ATP13A5: variants seen among roughly 807,000 people sequenced by gnomAD.
The protein encoded by ATP13A5 is ATPase 13A5.
A neutral mutation model predicts 150.2 loss-of-function variants in ATP13A5; 149 were observed. The ratio of observed to expected loss-of-function variants is 0.99; its 90% confidence interval spans 0.87 to 1.14. The LOEUF is 1.14. Among genes scored for constraint, ATP13A5 ranks in the 50% most tolerant of loss-of-function variants. The probability of loss-of-function intolerance (pLI) is 0.00; values close to 1 mark genes in which losing one functional copy is unlikely to be tolerated. For synonymous variants in ATP13A5, 497 were observed against 522.2 expected (o/e 0.95, Z 0.66); for missense variants, 1,383 against 1,449.3 (o/e 0.95, Z 0.74).
At chr3:193,350,920 T>C in intron 7 of ATP13A5, 147 bp downstream of exon 7, 1 of 830,042 alleles carries the variant, frequency 1.2e-6, no homozygotes, top group Non-Finnish European at 1.9e-6. Flanking sequence ...CCAAAGTCCT[T>C]CTGTCATCCC....
chr3:193,308,928 C>T (rs1400379255), intron 21 of ATP13A5, among the ~76,000 whole-genome samples: 1 of 152,160 alleles, frequency 6.6e-6, no homozygotes, highest in Non-Finnish European at 1.5e-5. Flanking sequence ...GTTACTTACC[C>T]AGCCTCAGGC....
At chr3:193,352,802 A>G (rs767715133) in intron 6 of ATP13A5, among the ~76,000 whole-genome samples, 32 of 152,334 alleles carry the variant, frequency 2.1e-4, no homozygotes, top group Non-Finnish European at 4.0e-4. Flanking sequence ...ATTTTTTAAT[A>G]TTAAAAAGAT....
At chr3:193,333,444 C>T (rs1331440908) in intron 11 of ATP13A5, among the ~76,000 whole-genome samples, 1 of 151,670 alleles carries the variant, frequency 6.6e-6, no homozygotes, top group Non-Finnish European at 1.5e-5. Flanking sequence ...TGAAACCTGA[C>T]ACCCTGTAGC....
At chr3:193,316,431 T>C (rs904399163) in intron 17 of ATP13A5, among the ~76,000 whole-genome samples, 1 of 152,148 alleles carries the variant, frequency 6.6e-6, no homozygotes, top group Admixed American at 6.5e-5. Flanking sequence ...TTGTTTTCCA[T>C]AGCAGCTGTA....
chr3:193,306,306 ATTCT>A (rs1223111267), intron 22 of ATP13A5, among the ~76,000 whole-genome samples: 1 of 151,860 alleles, frequency 6.6e-6, no homozygotes, highest in Admixed American at 6.6e-5. Flanking sequence ...TTTATTCATG[ATTCT>A]TTCTTCATCA....
chr3:193,327,183 G>T, intron 12 of ATP13A5, 126 bp from the exon 13 acceptor site: 1 of 807,748 alleles, frequency 1.2e-6, no homozygotes, highest in Non-Finnish European at 1.9e-6. Flanking sequence ...TTGTTTATAA[G>T]TACCAAATTT....
chr3:193,333,833 C>T lies in ATP13A5; in HGVS notation c.1189G>A (p.Asp397Asn), dbSNP rs771136195. 1.1e-5 allele frequency: 17 copies of T among 1,613,784 alleles called. No individual in the cohort carries two copies. Among genetic ancestry groups the T allele is most frequent in the Middle Eastern group, 1.6e-4 (1 of 6,072 alleles). Residue 397 changes from aspartate (D) to asparagine (N), a missense_variant, in exon 11 of 30, where the codon GAT becomes AAT. Asp to Asn is a conservative substitution (Grantham distance 23). Coordinates refer to ENST00000342358, the MANE Select transcript of ATP13A5 (RefSeq NM_198505.4). ...PRPLNFKLYS[D>N]AFKFIVFLAC... ...AGGAACACGATGAACTTGAAGGCAT[C>T]GCTGTATAGTTTGAAGTTCAGAGGC...
At chr3:193,320,356 C>T (rs901166209) in intron 16 of ATP13A5, among the ~76,000 whole-genome samples, 14 of 152,016 alleles carry the variant, frequency 9.2e-5, no homozygotes, top group Admixed American at 2.6e-4. Context: ...AAATGGGGTA[C>T]GGTGGTGGTG....
At chr3:193,302,679 C>G (rs1349277339) in intron 23 of ATP13A5, among the ~76,000 whole-genome samples, 1 of 152,178 alleles carries the variant, frequency 6.6e-6, no homozygotes, top group African/African-American at 2.4e-5. Context: ...CACTAAGACA[C>G]AGTCTCTGCC....
chr3:193,348,647 C>T lies in ATP13A5; in HGVS notation c.741+2420G>A, dbSNP rs139835006. 2.0e-5 allele frequency among the ~76,000 whole-genome samples: 3 copies of T among 152,276 alleles called. No homozygotes were observed. In the South Asian group the frequency reaches 6.2e-4, roughly 32 times the overall value. On this transcript the variant is annotated intron_variant, in intron 7 of 29. Coordinates refer to ENST00000342358, the MANE Select transcript of ATP13A5 (RefSeq NM_198505.4). ...AGTAGATGCAGAAAAACATCTTATT[C>T]TACTCCTGCAAACACTTACTCTCTT...
chr3:193,313,898 G>T, intron 19 of ATP13A5, 135 bp downstream of exon 19: 1 of 1,058,160 alleles, frequency 9.5e-7, no homozygotes, highest in Non-Finnish European at 1.3e-6. Context: ...GAAATGCTTT[G>T]CAAACTGTCA....
Position 193,275,073 on chromosome 3 carries a change from G to T in ATP13A5, c.3626C>A (p.Pro1209His). Residue 1209 changes from proline to histidine, a missense_variant, in exon 30 of 30, where the codon CCC (proline) becomes CAC (histidine). By Grantham distance (77) the Pro-to-His change is moderately conservative. Coordinates refer to ENST00000342358, the MANE Select transcript of ATP13A5 (RefSeq NM_198505.4). Reference protein sequence around the residue: ...PKRKLKLGGQPTEQHFWARL With the variant: ...PKRKLKLGGQHTEQHFWARL ...CCTGGCCCAGAAATGCTGTTCTGTGGGTTGGCCTCCCAATTTGAGTTTTCT... is the reference window on the plus strand; with the variant it reads ...CCTGGCCCAGAAATGCTGTTCTGTGTGTTGGCCTCCCAATTTGAGTTTTCT... 6.2e-7 allele frequency: 1 copy of T among 1,614,148 alleles called. No individual in the cohort carries two copies. Among genetic ancestry groups the T allele is most frequent in the Non-Finnish European group, 8.5e-7 (1 of 1,180,028 alleles).
intron 1 of ATP13A5, among the ~76,000 whole-genome samples, chr3:193,377,402 T>C (rs1453834248): frequency 1.3e-5 from 2 of 152,226 alleles, no homozygotes; most frequent in Non-Finnish European, 2.9e-5. Flanking sequence ...GTGAAATTTT[T>C]ACCTAAGCTA....
intron 2 of ATP13A5, among the ~76,000 whole-genome samples, chr3:193,363,845 C>T (rs1713133726): frequency 6.6e-6 from 1 of 152,118 alleles, no homozygotes; most frequent in South Asian, 2.1e-4. Context: ...TGGCTAAGAG[C>T]ACTCCCTGTT....
intron 12 of ATP13A5, among the ~76,000 whole-genome samples, chr3:193,329,244 GA>G (rs34072839): frequency 0.53 from 75,752 of 141,614 alleles, 21,379 homozygotes; most frequent in Non-Finnish European, 0.65. Context: ...CATCTCAAAA[GA>G]AAAAAAAAAA....
chr3:193,293,874 G>A (rs796322509), intron 25 of ATP13A5, among the ~76,000 whole-genome samples: 10 of 152,072 alleles, frequency 6.6e-5, no homozygotes, highest in African/African-American at 2.4e-4. Flanking sequence ...TTCTATAATG[G>A]GTGAGTCCCT....
At chr3:193,353,979 A>G in intron 6 of ATP13A5, 148 bp downstream of exon 6, 1 of 601,558 alleles carries the variant, frequency 1.7e-6, no homozygotes, top group Non-Finnish European at 2.8e-6. Context: ...TTTAAAGTAA[A>G]CCTGAGTTTA....
intron 13 of ATP13A5, among the ~76,000 whole-genome samples, chr3:193,326,558 C>T (rs559238695): frequency 6.6e-6 from 1 of 152,300 alleles, no homozygotes; most frequent in East Asian, 1.9e-4. Flanking sequence ...ATTTCTTCTT[C>T]TCCATTCTGA....
chr3:193,366,635 C>G (rs887073315), intron 1 of ATP13A5, among the ~76,000 whole-genome samples: 15 of 152,090 alleles, frequency 9.9e-5, no homozygotes, highest in African/African-American at 3.6e-4. Context: ...TAAATCTACT[C>G]TCATCATTGG....
Sources: allele counts gnomAD v4.1 joint callset (sites outside exome capture counted in the v4.1 genomes callset), GRCh38; gene constraint gnomAD v4.1.1; transcripts MANE v1.5; gene names NCBI Gene and HGNC (gene_info 2026-07-23, HGNC 2026-07-21).